The following KAT6B variants were observed in gnomAD, a reference collection of about 807,000 sequenced individuals.
The protein encoded by KAT6B is histone acetyltransferase KAT6B.
In KAT6B, 10 loss-of-function variants were observed where a neutral mutation model predicts 187.5. The ratio of observed to expected loss-of-function variants is 0.05; its 90% CI spans 0.03 to 0.09. The LOEUF (loss-of-function observed/expected upper bound fraction) is 0.09, where lower values mean the gene tolerates loss of function less well. Ranked by LOEUF, KAT6B falls within the 10% of genes least tolerant of loss-of-function variation. The pLI, the probability that KAT6B is intolerant of heterozygous loss-of-function variation, is 1.00. For synonymous variants in KAT6B, 861 were observed against 926.8 expected, an observed-to-expected ratio of 0.93 and a Z score of 1.29; for missense variants, 1,952 against 2,558.9, an observed-to-expected ratio of 0.76 and a Z score of 5.12.
Position 75,025,100 on chromosome 10 carries a change from T to G in KAT6B, c.3515T>G (p.Leu1172Arg). 1 of 1,614,216 alleles carries G rather than the reference T, an allele frequency of 6.2e-7. No homozygotes were observed. Among genetic ancestry groups the G allele is most frequent in the African/African-American group, 1.3e-5 (1 of 75,052 alleles). ...NSDEERPMPQ[L>R]EPTCEIEVEE... ...GATGAAGAGAGGCCAATGCCACAGC[T>G]GGAGCCTACCTGTGAGATTGAAGTG... The change falls in exon 17 of 18, where the codon CTG (leucine) becomes CGG (arginine). Residue 1172 changes from leucine to arginine, a missense_variant. Leu to Arg is a moderately radical substitution (Grantham distance 102). Transcript: ENST00000287239.
In KAT6B at chr10:75,028,592, ATCT is replaced by A. The variant is rs770422861; in HGVS notation, c.3769_3771del (p.Ser1257del). On this transcript the variant is annotated inframe_deletion, in exon 18 of 18. Coordinates refer to ENST00000287239, the MANE Select transcript of KAT6B (RefSeq NM_012330.4). ...GGCCAAAAGGAACAAAGCGCGGTCTATCTAAGTGGAGGCAAAACAAAGAGAGGA... is the reference window on the plus strand; with the variant it reads ...GGCCAAAAGGAACAAAGCGCGGTCTAAAGTGGAGGCAAAACAAAGAGAGGA... The A allele has an allele frequency of 6.2e-7, 1 of 1,614,234 alleles. No individual in the cohort carries two copies. Among genetic ancestry groups the A allele is most frequent in the Non-Finnish European group, 8.5e-7 (1 of 1,180,044 alleles).
At chr10:75,019,808 A>G (rs1432702953) in intron 13 of KAT6B, among the ~76,000 whole-genome samples, 1 of 148,986 alleles carries the variant, frequency 6.7e-6, no homozygotes, top group African/African-American at 2.5e-5. Context: ...TTTGCCAAGG[A>G]ACCTTCACAG....
intron 3 of KAT6B, among the ~76,000 whole-genome samples, chr10:74,846,596 GC>G (rs1418136661): frequency 6.6e-6 from 1 of 152,198 alleles, no homozygotes; most frequent in East Asian, 1.9e-4. Context: ...GTGCCACCAT[GC>G]CTGGCCAATT....
chr10:75,021,541 A>G (rs987074439), intron 15 of KAT6B, among the ~76,000 whole-genome samples: 3 of 152,212 alleles, frequency 2.0e-5, no homozygotes, highest in Non-Finnish European at 2.9e-5. Context: ...AATCAGATCA[A>G]ATTCGGTGCT....
At chr10:74,916,180 A>G in intron 3 of KAT6B, among the ~76,000 whole-genome samples, 1 of 152,284 alleles carries the variant, frequency 6.6e-6, no homozygotes. Context: ...TAAAAAATAA[A>G]TAAATAAAAT....
At chr10:74,888,900 A>T (rs1480608015) in intron 3 of KAT6B, among the ~76,000 whole-genome samples, 2 of 152,362 alleles carry the variant, frequency 1.3e-5, no homozygotes, top group Non-Finnish European at 2.9e-5. Context: ...AGTGAGAAAA[A>T]ATATAAAATT....
upstream of KAT6B, among the ~76,000 whole-genome samples, chr10:74,825,005 C>T (rs1010573539): frequency 2.5e-4 from 38 of 152,202 alleles, no homozygotes; most frequent in Non-Finnish European, 4.9e-4. This position sits in a 1 kb window ranked among gnomAD's most constrained non-coding sequence, Gnocchi z 5.0. Flanking sequence ...CTTCCCCCTC[C>T]AGCCCGCGTC....
In KAT6B at chr10:75,021,142, C is replaced by T. The variant is rs147643220; in HGVS notation, c.2878C>T (p.Arg960Trp). 2.3e-4 allele frequency: 378 copies of T among 1,613,836 alleles called. No homozygotes were observed. The highest frequency in any genetic ancestry group is 2.9e-4 in the Non-Finnish European group (345 of 1,179,872). ...KRDGRFVIIR[R>W]EKLILSHMEK... The stretch of plus-strand genomic sequence containing the variant: ...ACATTACAGATTTGTCATCATTAGA[C>T]GGGAAAAGTTGATATTGAGCCACAT... Residue 960 changes from arginine to tryptophan, a missense_variant, in exon 15 of 18, where the codon CGG (arginine) becomes TGG (tryptophan). Physicochemically the swap from Arg to Trp is moderately radical, Grantham distance 101 (BLOSUM62 -3). Coordinates refer to ENST00000287239, the MANE Select transcript of KAT6B (RefSeq NM_012330.4).
rs764904352 is a variant in KAT6B, at chr10:74,970,112, A to G, written c.928+11A>G. ...CCAGAATGCCAAAAGGTGAACTTCT[A>G]AACTGTACTAAAAATGTATTTTATT... On this transcript the variant is annotated intron_variant, in intron 6 of 17. Transcript: ENST00000287239. The G allele has an allele frequency of 6.3e-7, 1 of 1,582,064 alleles. No individual in the cohort carries two copies.
chr10:74,885,697 T>C (rs2132573161), intron 3 of KAT6B, among the ~76,000 whole-genome samples: 1 of 151,792 alleles, frequency 6.6e-6, no homozygotes, highest in East Asian at 1.9e-4. Flanking sequence ...CTATTTTGAG[T>C]CCTGCTGGGG....
At chr10:75,002,966 C>T (rs765326529) in intron 13 of KAT6B, 1 of 152,204 alleles carries the variant, frequency 6.6e-6, no homozygotes, top group Non-Finnish European at 1.5e-5. Context: ...ACGGGAAGAA[C>T]TTTTAAAATG....
intron 3 of KAT6B, among the ~76,000 whole-genome samples, chr10:74,940,280 T>TC (rs1849568743): frequency 1.4e-5 from 2 of 138,346 alleles, no homozygotes; most frequent in African/African-American, 5.0e-5. Flanking sequence ...TTTTTCCCCT[T>TC]TTTTTTTTTT....
At chr10:74,942,765 CAAAAAAAAA>C (rs56276008) in intron 3 of KAT6B, among the ~76,000 whole-genome samples, 3 of 9,364 alleles carry the variant, frequency 3.2e-4, no homozygotes, top group Admixed American at 1.7e-3. Context: ...AACTCCATCG[CAAAAAAAAA>C]AAAAAAAAAA....
intron 3 of KAT6B, among the ~76,000 whole-genome samples, chr10:74,953,695 A>C (rs1364746864): frequency 6.6e-6 from 1 of 152,156 alleles, no homozygotes; most frequent in Non-Finnish European, 1.5e-5. Context: ...TATGTCCCTG[A>C]TCATTGTGAA....
intron 7 of KAT6B, 29 bp from the exon 8 acceptor site, chr10:74,975,370 C>G: frequency 6.3e-7 from 1 of 1,575,548 alleles, no homozygotes; most frequent in Non-Finnish European, 8.7e-7. Context: ...TTATTAAATG[C>G]TGATACTATT....
chr10:74,989,129 A>G lies in KAT6B; in HGVS notation c.2629+17A>G, dbSNP rs1339007008. The G allele has an allele frequency of 1.3e-6, 2 of 1,559,140 alleles. No homozygotes were observed. Among genetic ancestry groups the G allele is most frequent in the South Asian group, 2.2e-5 (2 of 89,994 alleles). ...TTGATTTCAGTAAGTGAAGTACTTT[A>G]TTTACTTTCATGATCCAGGAAGCTG... On this transcript the variant is annotated intron_variant, in intron 13 of 17. Transcript: ENST00000287239.
At chr10:74,933,238 A>G (rs988077344) in intron 3 of KAT6B, among the ~76,000 whole-genome samples, 10 of 152,244 alleles carry the variant, frequency 6.6e-5, no homozygotes, top group Non-Finnish European at 1.5e-4. Context: ...AGTGCCTGCT[A>G]TTAGTTCCTT....
chr10:74,875,458 T>G (rs949662505), intron 3 of KAT6B, among the ~76,000 whole-genome samples: 51 of 151,936 alleles, frequency 3.4e-4, no homozygotes, highest in Middle Eastern at 3.4e-3. Flanking sequence ...TAATGGAAAA[T>G]TGTCTTCCTT....
intron 1 of KAT6B, among the ~76,000 whole-genome samples, chr10:74,828,382 A>G (rs1333632987): frequency 6.6e-6 from 1 of 152,048 alleles, no homozygotes; most frequent in African/African-American, 2.4e-5. Context: ...TATGGACAGA[A>G]GGTGGAAATA....
Sources: gnomAD v4.1 joint callset for allele counts (sites outside exome capture counted in the v4.1 genomes callset) on GRCh38, gnomAD v4.1.1 for gene constraint, Gnocchi (gnomAD v3.1) non-coding constraint, MANE v1.5 for transcripts, NCBI Gene and HGNC (gene_info 2026-07-23, HGNC 2026-07-21) for gene names.